The following FAM135B variants were observed in gnomAD, a reference collection of about 807,000 sequenced individuals.
FAM135B encodes family with sequence similarity 135 member B.
In FAM135B, 43 loss-of-function variants were observed where a neutral mutation model predicts 127.7. That is an observed-to-expected ratio of 0.34 (90% CI 0.26 to 0.43). The LOEUF is 0.43. Among genes scored for constraint, FAM135B ranks in the 20% least tolerant of loss-of-function variants. The pLI, the probability that FAM135B is intolerant of heterozygous loss-of-function variation, is 1.00. For synonymous variants in FAM135B, 670 were observed against 665.1 expected, an observed-to-expected ratio of 1.01 and a Z score of -0.11; for missense variants, 1,558 against 1,725.6, an observed-to-expected ratio of 0.90 and a Z score of 1.72.
chr8:138,418,766 A>G (rs1834315170), intron 1 of FAM135B, among the ~76,000 whole-genome samples: 1 of 152,058 alleles, frequency 6.6e-6, no homozygotes, highest in East Asian at 1.9e-4. Context: ...TTGTTAACAA[A>G]TCTGTAACCA....
At chr8:138,334,048 G>A (rs550873650) in intron 2 of FAM135B, among the ~76,000 whole-genome samples, 187 of 152,218 alleles carry the variant, frequency 1.2e-3, no homozygotes, top group South Asian at 2.3e-3. Flanking sequence ...TCAGCCTCCC[G>A]AGTAGCTGGG....
At chr8:138,359,607 A>G (rs527379733) in intron 2 of FAM135B, among the ~76,000 whole-genome samples, 5 of 152,246 alleles carry the variant, frequency 3.3e-5, no homozygotes, top group African/African-American at 7.2e-5. Flanking sequence ...CTCACTTTCA[A>G]AAGTGTGGGA....
intron 1 of FAM135B, among the ~76,000 whole-genome samples, chr8:138,386,065 A>C (rs575080216): frequency 2.6e-5 from 4 of 152,056 alleles, no homozygotes; most frequent in African/African-American, 9.6e-5. Context: ...AAAAATAAAA[A>C]AGTAGCTGGG....
intron 13 of FAM135B, among the ~76,000 whole-genome samples, chr8:138,149,668 A>T (rs1817962849): frequency 6.6e-6 from 1 of 152,114 alleles, no homozygotes; most frequent in South Asian, 2.1e-4. Context: ...CATCATCATC[A>T]TCACCATCAT....
chr8:138,483,378 C>T lies in FAM135B; in HGVS notation c.-20+13293G>A, dbSNP rs540816324. Among the ~76,000 whole-genome samples, 4 of 152,328 alleles carry T rather than the reference C, an allele frequency of 2.6e-5. No homozygotes were observed. In the East Asian group the frequency reaches 7.7e-4, roughly 29 times the overall value. On this transcript the variant is annotated intron_variant, in intron 1 of 19. Transcript: ENST00000395297. ...GAGCGACGTGTTACCACACAACCCA[C>T]AGGCTGTCAGGCCTCCAAGCTGGGG...
At chr8:138,263,758 C>A (rs868473353) in intron 4 of FAM135B, among the ~76,000 whole-genome samples, 5 of 152,058 alleles carry the variant, frequency 3.3e-5, no homozygotes, top group African/African-American at 1.2e-4. Context: ...GAATAGCTTG[C>A]AAAGAGCCTA....
chr8:138,367,939 A>C lies in FAM135B; in HGVS notation c.45T>G (p.His15Gln). ...QGTVEFSVEL[H>Q]KFYNVDLFQR... is the part of the protein sequence containing the mutation. ...GAAAGAGATCCACATTATAAAATTTATGTAGCTCTACCGAAAACTCAACCG... is the reference window on the plus strand; with the variant it reads ...GAAAGAGATCCACATTATAAAATTTCTGTAGCTCTACCGAAAACTCAACCG... The change falls in exon 2 of 20, where the codon CAT (histidine) becomes CAG (glutamine). Residue 15 changes from histidine to glutamine, a missense_variant. Physicochemically the swap from His to Gln is conservative, Grantham distance 24. Transcript: ENST00000395297. 1 of 1,613,858 alleles carries C rather than the reference A, an allele frequency of 6.2e-7. No homozygotes were observed. The highest frequency in any genetic ancestry group is 1.1e-5 in the South Asian group (1 of 91,074).
chr8:138,451,459 G>T (rs1170200091), intron 1 of FAM135B, among the ~76,000 whole-genome samples: 1 of 152,204 alleles, frequency 6.6e-6, no homozygotes, highest in Non-Finnish European at 1.5e-5. Context: ...GGATGAAAAG[G>T]AAACAACAGT....
chr8:138,340,572 T>G (rs1828977904), intron 2 of FAM135B, among the ~76,000 whole-genome samples: 1 of 152,116 alleles, frequency 6.6e-6, no homozygotes. Context: ...CCATGTCCTG[T>G]TCATCATTCC....
At chr8:138,409,806 C>A (rs534171133) in intron 1 of FAM135B, among the ~76,000 whole-genome samples, 3 of 142,482 alleles carry the variant, frequency 2.1e-5, no homozygotes, top group African/African-American at 5.3e-5. Context: ...ACTCAAGAGG[C>A]GGAGCTTGCA....
intron 6 of FAM135B, among the ~76,000 whole-genome samples, chr8:138,250,293 C>A (rs1821602081): frequency 6.6e-6 from 1 of 152,098 alleles, no homozygotes; most frequent in Non-Finnish European, 1.5e-5. Context: ...CCAGAGGTTG[C>A]AGCAAGCCGA....
intron 1 of FAM135B, among the ~76,000 whole-genome samples, chr8:138,483,306 C>A (rs1814859147): frequency 6.6e-6 from 1 of 152,206 alleles, no homozygotes; most frequent in South Asian, 2.1e-4. Context: ...AGAGGCTGAG[C>A]AACCTGTCCT....
chr8:138,331,887 G>A (rs956636968), intron 2 of FAM135B, among the ~76,000 whole-genome samples: 2 of 152,242 alleles, frequency 1.3e-5, no homozygotes, highest in East Asian at 1.9e-4. Context: ...GCTCTTCTGC[G>A]AATGGAGAGC....
chr8:138,254,270 C>A (rs1024374960), intron 5 of FAM135B, among the ~76,000 whole-genome samples: 4 of 152,178 alleles, frequency 2.6e-5, no homozygotes, highest in African/African-American at 9.7e-5. Context: ...AAACCAATCT[C>A]CTGTATAAAG....
intron 1 of FAM135B, among the ~76,000 whole-genome samples, chr8:138,413,846 T>C (rs1833997123): frequency 6.6e-6 from 1 of 151,962 alleles, no homozygotes. Context: ...CTTCAGAGCT[T>C]ATGAGATGAC....
chr8:138,324,105 C>T (rs1483805357), intron 2 of FAM135B, among the ~76,000 whole-genome samples: 2 of 152,216 alleles, frequency 1.3e-5, no homozygotes, highest in African/African-American at 4.8e-5. Context: ...CCCCGTGTCC[C>T]AGCCAACTAT....
chr8:138,348,386 C>T (rs529282193), intron 2 of FAM135B, among the ~76,000 whole-genome samples: 30 of 152,204 alleles, frequency 2.0e-4, no homozygotes, highest in African/African-American at 6.5e-4. Context: ...CCGCCCACCT[C>T]GGCCTCCCAA....
At chr8:138,247,004 C>T (rs986042966) in intron 6 of FAM135B, among the ~76,000 whole-genome samples, 11 of 152,212 alleles carry the variant, frequency 7.2e-5, no homozygotes, top group Non-Finnish European at 1.2e-4. Context: ...CCTGTAGCCC[C>T]TTTGTTTTGG....
chr8:138,457,534 T>C (rs1188199432), intron 1 of FAM135B, among the ~76,000 whole-genome samples: 1 of 152,142 alleles, frequency 6.6e-6, no homozygotes, highest in Non-Finnish European at 1.5e-5. Flanking sequence ...TTGTTTACAC[T>C]GAGCTGGTGA....
Sources: allele counts gnomAD v4.1 joint callset (sites outside exome capture counted in the v4.1 genomes callset), GRCh38; gene constraint gnomAD v4.1.1; transcripts MANE v1.5; gene names NCBI Gene and HGNC (gene_info 2026-07-23, HGNC 2026-07-21).